Variants in MAN2A1 observed in about 807,000 individuals in gnomAD.
MAN2A1 encodes the protein mannosidase alpha class 2A member 1.
A neutral mutation model predicts 142.6 loss-of-function variants in MAN2A1; 76 were observed. That is an observed-to-expected ratio of 0.53 (90% CI 0.44 to 0.65). MAN2A1 has a LOEUF of 0.65. MAN2A1 is among the 30% of genes least tolerant of loss of function. MAN2A1 has a pLI of 0.00. For missense variants in MAN2A1, 1,311 were observed against 1,365.1 expected (o/e 0.96, Z 0.62); for synonymous variants, 559 against 473.2 (o/e 1.18, Z -2.35).
intron 8 of MAN2A1, 148 bp from the exon 9 acceptor site, chr5:109,781,248 G>T (rs1402289317): frequency 3.9e-6 from 2 of 517,590 alleles, no homozygotes; most frequent in Non-Finnish European, 6.6e-6. Context: ...TTTCTTCCCT[G>T]CTTCTGATTT....
chr5:109,816,886 A>G (rs557175321), intron 12 of MAN2A1, among the ~76,000 whole-genome samples: 166 of 152,248 alleles, frequency 1.1e-3, no homozygotes, highest in African/African-American at 3.8e-3. Flanking sequence ...GTACTGTGTG[A>G]TATTTGTTGT....
intron 16 of MAN2A1, among the ~76,000 whole-genome samples, chr5:109,837,886 C>T (rs545081443): frequency 6.6e-6 from 1 of 152,144 alleles, no homozygotes; most frequent in African/African-American, 2.4e-5. Flanking sequence ...TTACTTTCCT[C>T]CCATGTCAGC....
rs1273233488 is a variant in MAN2A1, at chr5:109,737,272, A to G, written c.707+7759A>G. Reference sequence around the variant, plus strand: ...ATGCCTGGCTAATTTTTGTATTTTTAGTAGAGACAGGGTTTCACCATGTTG... The same window carrying G: ...ATGCCTGGCTAATTTTTGTATTTTTGGTAGAGACAGGGTTTCACCATGTTG... On this transcript the variant is annotated intron_variant, in intron 4 of 21. Transcript: ENST00000261483. Among the ~76,000 whole-genome samples, 3 of 151,788 alleles carry G rather than the reference A, an allele frequency of 2.0e-5. No individual in the cohort carries two copies. In the East Asian group the frequency reaches 5.8e-4, roughly 30 times the overall value.
Position 109,847,803 on chromosome 5 carries a change from A to G in MAN2A1, c.2976+13A>G. On this transcript the variant is annotated intron_variant, in intron 19 of 21. Coordinates refer to ENST00000261483, the MANE Select transcript of MAN2A1 (RefSeq NM_002372.4). ...TGCTGTTAATACGGTATGAAAAAAT[A>G]ACTAGCATGATCTGATATTGATTGT... is the stretch of plus-strand genomic sequence containing the variant. The G allele has an allele frequency of 6.6e-7, 1 of 1,515,372 alleles. No homozygotes were observed. Among genetic ancestry groups the G allele is most frequent in the Non-Finnish European group, 8.8e-7 (1 of 1,129,976 alleles). The allele number at this position is 1,515,372 out of a possible 1,614,324, so 93.9% of individuals were successfully genotyped here.
At chr5:109,835,647 G>C (rs1309514490) in intron 16 of MAN2A1, among the ~76,000 whole-genome samples, 1 of 152,134 alleles carries the variant, frequency 6.6e-6, no homozygotes, top group African/African-American at 2.4e-5. Flanking sequence ...ATAAGATACT[G>C]GACTTTGCTG....
intron 8 of MAN2A1, among the ~76,000 whole-genome samples, chr5:109,775,423 A>AT (rs978069314): frequency 3.3e-5 from 5 of 151,200 alleles, no homozygotes; most frequent in South Asian, 4.2e-4. Flanking sequence ...ATACACTAAC[A>AT]TTTTTTTTTA....
intron 3 of MAN2A1, among the ~76,000 whole-genome samples, chr5:109,722,556 A>C (rs746988489): frequency 6.6e-6 from 1 of 152,168 alleles, no homozygotes; most frequent in Non-Finnish European, 1.5e-5. Context: ...CTGGGATTAC[A>C]GGCACACGCC....
Position 109,845,974 on chromosome 5 carries a change from C to G in MAN2A1, c.2810C>G (p.Ala937Gly). The G allele has an allele frequency of 6.2e-7, 1 of 1,613,650 alleles. No homozygotes were observed. Among genetic ancestry groups the G allele is most frequent in the Non-Finnish European group, 8.5e-7 (1 of 1,179,654 alleles). ...DAKHRLTLLS[A>G]QSLGVSSLNS... Reference sequence around the variant, plus strand: ...AAACATCGTTTGACACTGCTCTCTGCTCAGTCATTAGGGGTTTCGAGTTTG... The same window carrying G: ...AAACATCGTTTGACACTGCTCTCTGGTCAGTCATTAGGGGTTTCGAGTTTG... Residue 937 changes from alanine to glycine, a missense_variant, in exon 18 of 22, where the codon GCT becomes GGT. Physicochemically the swap from Ala to Gly is moderately conservative, Grantham distance 60 (BLOSUM62 0). Transcript: ENST00000261483.
At chr5:109,857,147 G>A (rs1305805089) in intron 20 of MAN2A1, among the ~76,000 whole-genome samples, 1 of 152,194 alleles carries the variant, frequency 6.6e-6, no homozygotes, top group Admixed American at 6.5e-5. Context: ...AAGAGCAAGT[G>A]TGAAGGCCCT....
In MAN2A1 at chr5:109,690,459, C is replaced by T; in HGVS notation, c.42C>T (p.Ile14=). 6.2e-7 allele frequency: 1 copy of T among 1,614,064 alleles called. No homozygotes were observed. Among genetic ancestry groups the T allele is most frequent in the East Asian group, 2.2e-5 (1 of 44,850 alleles). ...AGTTCACCGTGTTCGGCAGTGCGAT[C>T]TTCTGTGTGGTGATTTTCTCGCTCT... ...SRQFTVFGSA[I]FCVVIFSLYL... The change falls in exon 1 of 22, where the codon ATC becomes ATT. Residue 14 remains isoleucine (I), a synonymous_variant. Transcript: ENST00000261483.
At chr5:109,752,442 C>T (rs562664808) in intron 4 of MAN2A1, among the ~76,000 whole-genome samples, 3 of 152,274 alleles carry the variant, frequency 2.0e-5, no homozygotes, top group East Asian at 3.9e-4. Context: ...TTCTGAGTGC[C>T]GGACGTGCCA....
chr5:109,696,961 A>T (rs1750830960), intron 1 of MAN2A1, among the ~76,000 whole-genome samples: 1 of 152,202 alleles, frequency 6.6e-6, no homozygotes, highest in Non-Finnish European at 1.5e-5. Context: ...AGGTAAGTTG[A>T]AGGAAAAAAT....
chr5:109,796,727 G>A lies in MAN2A1; in HGVS notation c.1943+7200G>A, dbSNP rs955132933. Among the ~76,000 whole-genome samples, 43 of 152,178 alleles carry A rather than the reference G, an allele frequency of 2.8e-4. 1 individual carries two copies. The highest frequency in any genetic ancestry group is 5.9e-5 in the Non-Finnish European group (4 of 68,032). ...GTTCAGAATCAGAGCTGGTATAGAA[G>A]ACTGAATACCAATCAGGCACAGCCA... On this transcript the variant is annotated intron_variant, in intron 12 of 21. Transcript: ENST00000261483.
In MAN2A1 at chr5:109,838,214, A is replaced by G. The variant is rs76656583; in HGVS notation, c.2567-4114A>G. 3.5e-4 allele frequency among the ~76,000 whole-genome samples: 53 copies of G among 152,246 alleles called. No individual in the cohort carries two copies. The East Asian group carries it at 9.9e-3, about 28-fold the overall frequency. On this transcript the variant is annotated intron_variant, in intron 16 of 21. Coordinates refer to ENST00000261483, the MANE Select transcript of MAN2A1 (RefSeq NM_002372.4). Reference sequence around the variant, plus strand: ...GGCTCTGTTCTACCTTGCGTTGCCTATGCAAATAAGGATAAACAAACTCCA... The same window carrying G: ...GGCTCTGTTCTACCTTGCGTTGCCTGTGCAAATAAGGATAAACAAACTCCA...
chr5:109,813,894 C>A (rs1754385098), intron 12 of MAN2A1, among the ~76,000 whole-genome samples: 1 of 152,124 alleles, frequency 6.6e-6, no homozygotes, highest in Non-Finnish European at 1.5e-5. Context: ...TCATTTTTGT[C>A]CATTCGTTTT....
chr5:109,810,897 C>T (rs1754298145), intron 12 of MAN2A1, among the ~76,000 whole-genome samples: 1 of 152,070 alleles, frequency 6.6e-6, no homozygotes, highest in African/African-American at 2.4e-5. Context: ...ATTTATTTCT[C>T]AACTTCAATT....
chr5:109,757,186 A>G (rs1459707029), intron 5 of MAN2A1, among the ~76,000 whole-genome samples: 2 of 152,142 alleles, frequency 1.3e-5, no homozygotes, highest in Non-Finnish European at 1.5e-5. Context: ...TTCTTAACAA[A>G]TCACCAAACC....
At chr5:109,767,802 C>A in intron 6 of MAN2A1, 94 bp downstream of exon 6, 2 of 1,053,946 alleles carry the variant, frequency 1.9e-6, no homozygotes, top group South Asian at 1.7e-5. Flanking sequence ...TGTTCACTGT[C>A]AGTCTTGAAA....
At chr5:109,741,276 A>G (rs1752260269) in intron 4 of MAN2A1, among the ~76,000 whole-genome samples, 1 of 152,212 alleles carries the variant, frequency 6.6e-6, no homozygotes, top group Non-Finnish European at 1.5e-5. Context: ...TCTAGCTGTA[A>G]TAATTCACTT....
Sources: allele counts gnomAD v4.1 joint callset (sites outside exome capture counted in the v4.1 genomes callset), GRCh38; gene constraint gnomAD v4.1.1; transcripts MANE v1.5; gene names NCBI Gene and HGNC (gene_info 2026-07-23, HGNC 2026-07-21).